Variants in IPO11 observed in about 807,000 individuals in gnomAD.
IPO11 encodes the protein importin-11.
A neutral mutation model predicts 143.2 loss-of-function variants in IPO11; 66 were observed. The observed-to-expected ratio is 0.46, with a 90% confidence interval of 0.38 to 0.57. IPO11 has a LOEUF of 0.57. Ranked by LOEUF, IPO11 falls within the 20% of genes least tolerant of loss-of-function variation. IPO11 has a pLI of 0.00. For missense variants in IPO11, 1,026 were observed against 1,141.0 expected (o/e 0.90, Z 1.45); for synonymous variants, 385 against 377.8 (o/e 1.02, Z -0.22).
chr5:62,463,169 G>T (rs1208718391), intron 5 of IPO11, among the ~76,000 whole-genome samples: 1 of 152,028 alleles, frequency 6.6e-6, no homozygotes, highest in Non-Finnish European at 1.5e-5. Context: ...AGCCTTGCAA[G>T]TAGCCGAGAT....
In IPO11 at chr5:62,618,514, GTTC is replaced by G. The variant is rs370639719; in HGVS notation, c.2764-8631_2764-8629del. Among the ~76,000 whole-genome samples, 700 of 152,146 alleles carry G rather than the reference GTTC, an allele frequency of 4.6e-3. 8 individuals carry two copies. Among genetic ancestry groups the G allele is most frequent in the African/African-American group, 0.016 (666 of 41,532 alleles). On this transcript the variant is annotated intron_variant, in intron 29 of 29. Transcript: ENST00000325324. ...ATTGATGAATAAGTATTGTTTGCTTGTTCTTCTTCTTAAAAAACCCACAGAATA... is the reference window on the plus strand; with the variant it reads ...ATTGATGAATAAGTATTGTTTGCTTGTTCTTCTTAAAAAACCCACAGAATA...
rs749117567 is a variant in IPO11 at position 62,627,317 on chromosome 5, A to G, written c.2927A>G (p.Ter976=). The G allele has an allele frequency of 1.2e-6, 2 of 1,612,252 alleles. No individual in the cohort carries two copies. The highest frequency in any genetic ancestry group is 1.7e-5 in the Admixed American group (1 of 59,940). The change falls in exon 30 of 30, where the codon TAA becomes TGA. Residue 976 remains the stop codon, a stop_retained_variant. Transcript: ENST00000325324. ...CTACAGGAGTTTTTGCAAGGATTCTAAGAGCACATGACATGTGGCTGCCTC... is the reference window on the plus strand; with the variant it reads ...CTACAGGAGTTTTTGCAAGGATTCTGAGAGCACATGACATGTGGCTGCCTC... ...TQLQEFLQGF[*]
chr5:62,510,253 T>C (rs971516826), intron 19 of IPO11, among the ~76,000 whole-genome samples: 5 of 152,256 alleles, frequency 3.3e-5, no homozygotes, highest in Non-Finnish European at 4.4e-5. Context: ...TTCAGAATTT[T>C]ATATGGACAG....
chr5:62,609,922 GTC>G (rs1370430535), intron 29 of IPO11, among the ~76,000 whole-genome samples: 1 of 150,484 alleles, frequency 6.6e-6, no homozygotes, highest in East Asian at 2.0e-4. Flanking sequence ...ACATGTGTAG[GTC>G]TGCTTCTGGC....
At chr5:62,542,136 C>T (rs954617474) in intron 24 of IPO11, among the ~76,000 whole-genome samples, 4 of 151,058 alleles carry the variant, frequency 2.6e-5, no homozygotes, top group East Asian at 1.9e-4. Context: ...AGTGCAATGG[C>T]GTGATCTCGG....
intron 6 of IPO11, among the ~76,000 whole-genome samples, chr5:62,469,573 A>G (rs1745695750): frequency 6.6e-6 from 1 of 152,198 alleles, no homozygotes; most frequent in Non-Finnish European, 1.5e-5. Context: ...TATATTTTAC[A>G]TATACCATGG....
chr5:62,444,836 T>A (rs567472351), intron 3 of IPO11, among the ~76,000 whole-genome samples: 157 of 151,770 alleles, frequency 1.0e-3, no homozygotes, highest in African/African-American at 3.6e-3. Flanking sequence ...GCCACTGCAC[T>A]CCAGCCTGGG....
intron 2 of IPO11, among the ~76,000 whole-genome samples, chr5:62,438,523 C>T (rs561600926): frequency 4.6e-5 from 7 of 152,206 alleles, no homozygotes; most frequent in South Asian, 2.1e-4. Flanking sequence ...GAGGCCAAGG[C>T]GGGTGGATCA....
chr5:62,506,369 G>A lies in IPO11; in HGVS notation c.1782+12G>A. 2 of 1,261,814 alleles carry A rather than the reference G, an allele frequency of 1.6e-6. No individual in the cohort carries two copies. The highest frequency in any genetic ancestry group is 1.1e-6 in the Non-Finnish European group (1 of 871,344). 78.2% of individuals were successfully genotyped at this position (1,261,814 alleles called of 1,614,324 possible). A position where few individuals can be genotyped will look rare whatever the true frequency, so the allele number is the denominator to read the frequency against. ...GAGTCAACATGCAGGTAATTATATT[G>A]TAAAACATGAAAATAAATGAGGGGT... is the stretch of plus-strand genomic sequence containing the variant. On this transcript the variant is annotated intron_variant, in intron 19 of 29. Coordinates refer to ENST00000325324, the MANE Select transcript of IPO11 (RefSeq NM_016338.5).
At chr5:62,424,235 G>A (rs2112102150) in intron 1 of IPO11, among the ~76,000 whole-genome samples, 1 of 151,822 alleles carries the variant, frequency 6.6e-6, no homozygotes, top group South Asian at 2.1e-4. Flanking sequence ...CGCCTCCCGG[G>A]TTCACGCCAT....
chr5:62,439,125 T>C (rs893436657), intron 2 of IPO11, among the ~76,000 whole-genome samples: 11 of 151,912 alleles, frequency 7.2e-5, no homozygotes, highest in Non-Finnish European at 1.5e-4. Context: ...ATGAATATGC[T>C]CTATAATTAG....
At chr5:62,475,272 G>A (rs1246977741) in intron 8 of IPO11, among the ~76,000 whole-genome samples, 1 of 152,180 alleles carries the variant, frequency 6.6e-6, no homozygotes, top group African/African-American at 2.4e-5. Context: ...TGTAACCCCA[G>A]CACTTTGGGA....
At chr5:62,453,956 C>A (rs1228949227) in intron 5 of IPO11, among the ~76,000 whole-genome samples, 1 of 151,910 alleles carries the variant, frequency 6.6e-6, no homozygotes, top group Non-Finnish European at 1.5e-5. Flanking sequence ...AATGGTGAAA[C>A]CCTATCTCTA....
intron 5 of IPO11, among the ~76,000 whole-genome samples, chr5:62,460,160 GTAATT>G (rs1323758576): frequency 1.3e-5 from 2 of 152,128 alleles, no homozygotes; most frequent in Non-Finnish European, 2.9e-5. Flanking sequence ...GAAGTAAAAA[GTAATT>G]TAATATCATT....
intron 29 of IPO11, among the ~76,000 whole-genome samples, chr5:62,609,367 A>C (rs1016004712): frequency 2.6e-5 from 4 of 152,208 alleles, no homozygotes; most frequent in Non-Finnish European, 5.9e-5. Context: ...CCAGCACAAA[A>C]AGAAACAGCC....
At chr5:62,535,006 G>A (rs1476361383) in intron 22 of IPO11, among the ~76,000 whole-genome samples, 1 of 128,280 alleles carries the variant, frequency 7.8e-6, no homozygotes, top group Non-Finnish European at 1.7e-5. Flanking sequence ...TTAAGGCTAT[G>A]TATAATATTA....
At chr5:62,570,584 T>C (rs963871923) in intron 27 of IPO11, among the ~76,000 whole-genome samples, 29 of 152,204 alleles carry the variant, frequency 1.9e-4, no homozygotes, top group African/African-American at 6.8e-4. Context: ...TTAGGATAGA[T>C]GATTGTTCAT....
chr5:62,517,750 G>A (rs1469880140), intron 20 of IPO11, among the ~76,000 whole-genome samples: 1 of 152,170 alleles, frequency 6.6e-6, no homozygotes, highest in African/African-American at 2.4e-5. Flanking sequence ...TGAGAGACAT[G>A]TAACTAAACA....
In IPO11 at chr5:62,515,506, G is replaced by T. The variant is rs766472767; in HGVS notation, c.1896+5G>T. The T allele has an allele frequency of 1.7e-5, 27 of 1,569,190 alleles. No individual in the cohort carries two copies. Among genetic ancestry groups the T allele is most frequent in the Non-Finnish European group, 2.3e-5 (26 of 1,153,512 alleles). On this transcript the variant is annotated splice_donor_5th_base_variant and intron_variant, in intron 20 of 29. Transcript: ENST00000325324. Reference sequence around the variant, plus strand: ...ACACTTATTCATCTTGTTCAGGTAAGTCACTTCTCCACAGAGTTTTTTTAG... The same window carrying T: ...ACACTTATTCATCTTGTTCAGGTAATTCACTTCTCCACAGAGTTTTTTTAG...
Sources: allele counts gnomAD v4.1 joint callset (sites outside exome capture counted in the v4.1 genomes callset), GRCh38; gene constraint gnomAD v4.1.1; transcripts MANE v1.5; gene names NCBI Gene and HGNC (gene_info 2026-07-23, HGNC 2026-07-21).